TICAM2: variants seen among roughly 807,000 people sequenced by gnomAD.
The protein encoded by TICAM2 is TIR domain containing adaptor molecule 2.
A neutral mutation model predicts 7.3 loss-of-function variants in TICAM2; 8 were observed. The observed-to-expected ratio is 1.10, with a 90% CI of 0.65 to 1.99. The LOEUF (loss-of-function observed/expected upper bound fraction) is 1.99, where lower values mean the gene tolerates loss of function less well. Ranked by LOEUF, TICAM2 falls within the 30% of genes most tolerant of loss-of-function variation. The pLI is 0.00. For missense variants in TICAM2, 304 were observed against 278.8 expected (o/e 1.09, Z -0.65); for synonymous variants, 113 against 99.6 (o/e 1.13, Z -0.80).
rs142629876 is a variant in TICAM2, at chr5:115,580,676, G to A, written c.581C>T (p.Ala194Val). 5.1e-4 allele frequency: 804 copies of A among 1,590,370 alleles called. 1 individual carries two copies. In the Middle Eastern group the frequency reaches 5.4e-3, roughly 11 times the overall value. Reference protein sequence around the residue: ...RTPFALQTINALEEESRGFPT... With the variant: ...RTPFALQTINVLEEESRGFPT... The stretch of plus-strand genomic sequence containing the variant: ...AAATCCACGACTTTCTTCCTCTAAG[G>A]CATTGATGGTTTGGAGGGCAAAGGG... Residue 194 changes from alanine to valine, a missense_variant, in exon 2 of 2, where the codon GCC becomes GTC. Physicochemically the swap from Ala to Val is moderately conservative, Grantham distance 64 (BLOSUM62 0). Coordinates refer to ENST00000427199, the MANE Select transcript of TICAM2 (RefSeq NM_021649.7).
Position 115,595,820 on chromosome 5 carries a change from A to G in TICAM2, c.-60+6277T>C, listed in dbSNP as rs150174748. Reference sequence around the variant, plus strand: ...TCTTAGAATGTACCCTTGCCCAACCATCTACATGAATAGCTCCTCTTTATG... The same window carrying G: ...TCTTAGAATGTACCCTTGCCCAACCGTCTACATGAATAGCTCCTCTTTATG... On this transcript the variant is annotated intron_variant, in intron 1 of 1. Coordinates refer to ENST00000427199, the MANE Select transcript of TICAM2 (RefSeq NM_021649.7). Among the ~76,000 whole-genome samples, 441 of 152,284 alleles carry G rather than the reference A, an allele frequency of 2.9e-3. 1 individual carries two copies. The highest frequency in any genetic ancestry group is 4.9e-3 in the Non-Finnish European group (336 of 68,004).
At chr5:115,584,144 T>C (rs967936211) in intron 1 of TICAM2, among the ~76,000 whole-genome samples, 15 of 152,222 alleles carry the variant, frequency 9.9e-5, no homozygotes, top group Admixed American at 7.8e-4. Context: ...TCTCTATGAA[T>C]ATATATTCTT....
intron 1 of TICAM2, among the ~76,000 whole-genome samples, chr5:115,583,827 G>A (rs964423493): frequency 1.3e-5 from 2 of 152,186 alleles, no homozygotes; most frequent in African/African-American, 4.8e-5. Flanking sequence ...TCTGGGGAAG[G>A]TTGGCCAAAG....
chr5:115,588,350 G>A (rs181694576), intron 1 of TICAM2, among the ~76,000 whole-genome samples: 234 of 152,296 alleles, frequency 1.5e-3, no homozygotes, highest in African/African-American at 5.1e-3. Flanking sequence ...CTGGGTCACA[G>A]GATAATGTCT....
At chr5:115,590,271 C>A (rs1755253882) in intron 1 of TICAM2, among the ~76,000 whole-genome samples, 1 of 152,122 alleles carries the variant, frequency 6.6e-6, no homozygotes, top group Non-Finnish European at 1.5e-5. Flanking sequence ...GATTGCACCA[C>A]TGCACTCTAG....
At chr5:115,593,165 T>C (rs544948376) in intron 1 of TICAM2, among the ~76,000 whole-genome samples, 10 of 152,214 alleles carry the variant, frequency 6.6e-5, no homozygotes, top group African/African-American at 2.2e-4. Context: ...CAAAAATCAA[T>C]GTAAGTAATC....
chr5:115,596,018 G>A (rs1178512518), intron 1 of TICAM2, among the ~76,000 whole-genome samples: 1 of 152,078 alleles, frequency 6.6e-6, no homozygotes, highest in Admixed American at 6.5e-5. Context: ...CATTTTCCCA[G>A]ACTTCTCCAT....
At chr5:115,593,358 T>C (rs1471227304) in intron 1 of TICAM2, among the ~76,000 whole-genome samples, 1 of 151,670 alleles carries the variant, frequency 6.6e-6, no homozygotes, top group Non-Finnish European at 1.5e-5. Flanking sequence ...CATAAACAAT[T>C]CAACTGTATT....
intron 1 of TICAM2, among the ~76,000 whole-genome samples, chr5:115,593,690 T>C (rs893024359): frequency 1.3e-5 from 2 of 152,186 alleles, no homozygotes; most frequent in African/African-American, 4.8e-5. Flanking sequence ...AGAATTTCTA[T>C]GGAAATATAA....
At position 115,595,646 on chromosome 5, in the gene TICAM2, C is replaced by T. The variant is rs1391068239; in HGVS notation, c.-60+6451G>A. Among the ~76,000 whole-genome samples, 3 of 152,184 alleles carry T rather than the reference C, an allele frequency of 2.0e-5. No individual in the cohort carries two copies. The East Asian group carries it at 5.8e-4, about 29-fold the overall frequency. On this transcript the variant is annotated intron_variant, in intron 1 of 1. Transcript: ENST00000427199. ...TACCCTAATGCCTTCAAGAAAAACT[C>T]TATCTTATTAGAATAACATTCTAGG...
At chr5:115,586,321 A>G (rs1003275001) in intron 1 of TICAM2, among the ~76,000 whole-genome samples, 1 of 151,976 alleles carries the variant, frequency 6.6e-6, no homozygotes, top group Non-Finnish European at 1.5e-5. Context: ...TTTAGGCTAG[A>G]TTTATGGCAA....
rs147469433 is a variant in TICAM2 at position 115,590,701 on chromosome 5, C to A, written c.-59-9386G>T. ...TTCTGTTTGTACTTTTGCTCTCCTGCTTTTACTTGCATGTCGTACTTATTT... is the reference window on the plus strand; with the variant it reads ...TTCTGTTTGTACTTTTGCTCTCCTGATTTTACTTGCATGTCGTACTTATTT... On this transcript the variant is annotated intron_variant, in intron 1 of 1. Transcript: ENST00000427199. Among the ~76,000 whole-genome samples the A allele has an allele frequency of 3.9e-4, 60 of 152,302 alleles. 1 individual carries two copies. The East Asian group carries it at 9.4e-3, about 24-fold the overall frequency.
At chr5:115,584,682 T>C (rs182234544) in intron 1 of TICAM2, among the ~76,000 whole-genome samples, 1 of 152,242 alleles carries the variant, frequency 6.6e-6, no homozygotes, top group Admixed American at 6.5e-5. Context: ...AGAGAAAAAC[T>C]ACCAATTACT....
chr5:115,588,227 G>A (rs963080203), intron 1 of TICAM2, among the ~76,000 whole-genome samples: 5 of 152,164 alleles, frequency 3.3e-5, no homozygotes, highest in African/African-American at 9.7e-5. Context: ...TGAAATATAC[G>A]TGTGGAAGCG....
intron 1 of TICAM2, among the ~76,000 whole-genome samples, chr5:115,595,279 C>G (rs1328786898): frequency 1.3e-5 from 2 of 152,150 alleles, no homozygotes; most frequent in Admixed American, 1.3e-4. Context: ...TACTAATATC[C>G]TCTCTACCGA....
At position 115,580,622 on chromosome 5, in the gene TICAM2, T is replaced by A. The variant is rs781626963; in HGVS notation, c.635A>T (p.Glu212Val). Residue 212 changes from glutamate (E) to valine (V), a missense_variant, in exon 2 of 2, where the codon GAG (glutamate) becomes GTG (valine). Transcript: ENST00000427199. ...AGTTTGTTGTGTCTTATACACAGAC[T>A]CCTGAAAAATTCTTTCTACTTGTGT... ...FPTQVERIFQ[E>V]SVYKTQQTIW... 16 of 1,592,308 alleles carry A rather than the reference T, an allele frequency of 1.0e-5. No individual in the cohort carries two copies. The highest frequency in any genetic ancestry group is 1.4e-5 in the Non-Finnish European group (16 of 1,173,224).
rs186429557 is a variant in TICAM2 at position 115,593,105 on chromosome 5, T to C, written c.-60+8992A>G. ...TTGCAGTGAGCCGAGATCCTGTCAC[T>C]GCACTCTAGCCTGGGCGAGAGAATG... is the stretch of plus-strand genomic sequence containing the variant. On this transcript the variant is annotated intron_variant, in intron 1 of 1. Transcript: ENST00000427199. Among the ~76,000 whole-genome samples the C allele has an allele frequency of 4.6e-3, 697 of 152,316 alleles. 8 individuals carry two copies. The highest frequency in any genetic ancestry group is 0.016 in the African/African-American group (663 of 41,556).
chr5:115,580,718 A>G lies in TICAM2; in HGVS notation c.539T>C (p.Leu180Pro). 1 of 1,599,600 alleles carries G rather than the reference A, an allele frequency of 6.3e-7. No homozygotes were observed. Among genetic ancestry groups the G allele is most frequent in the African/African-American group, 1.4e-5 (1 of 73,982 alleles). Reference sequence around the variant, plus strand: ...GGCAAAGGGAGTCCTTTCTCGGGGAAGGGGATTGTTCAGGGGCCGCATGGG... The same window carrying G: ...GGCAAAGGGAGTCCTTTCTCGGGGAGGGGGATTGTTCAGGGGCCGCATGGG... Reference protein sequence around the residue: ...VIPMRPLNNPLPRERTPFALQ... With the variant: ...VIPMRPLNNPPPRERTPFALQ... The change falls in exon 2 of 2, where the codon CTT becomes CCT. Residue 180 changes from leucine (L) to proline (P), a missense_variant. Leu to Pro is a moderately conservative substitution (Grantham distance 98). Transcript: ENST00000427199.
intron 1 of TICAM2, among the ~76,000 whole-genome samples, chr5:115,591,805 G>A (rs565360739): frequency 7.2e-5 from 11 of 152,180 alleles, no homozygotes; most frequent in Admixed American, 7.2e-4. Flanking sequence ...CAATTAGAAG[G>A]TGTAACAAAT....
Sources: allele counts gnomAD v4.1 joint callset (sites outside exome capture counted in the v4.1 genomes callset), GRCh38; gene constraint gnomAD v4.1.1; transcripts MANE v1.5; gene names NCBI Gene and HGNC (gene_info 2026-07-23, HGNC 2026-07-21).